WDR70: variants seen among roughly 807,000 people sequenced by gnomAD.
WDR70 encodes WD repeat domain 70, also known as WD repeat-containing protein 70.
In WDR70, 53 loss-of-function variants were observed where a neutral mutation model predicts 88.6. The ratio of observed to expected loss-of-function variants is 0.60; its 90% CI spans 0.48 to 0.75. The LOEUF is 0.75. WDR70 is among the 30% of genes least tolerant of loss of function. The probability of loss-of-function intolerance (pLI) is 0.00; values close to 1 mark genes in which losing one functional copy is unlikely to be tolerated. For missense variants in WDR70, 610 were observed against 823.2 expected, an observed-to-expected ratio of 0.74 and a Z score of 3.17; for synonymous variants, 280 against 270.0, an observed-to-expected ratio of 1.04 and a Z score of -0.36.
At chr5:37,626,544 T>G (rs1744670311) in intron 10 of WDR70, among the ~76,000 whole-genome samples, 1 of 152,194 alleles carries the variant, frequency 6.6e-6, no homozygotes. Flanking sequence ...TGCAACAGTG[T>G]TCATCAGGGA....
chr5:37,584,377 T>C (rs1743306234), intron 9 of WDR70, among the ~76,000 whole-genome samples: 1 of 152,228 alleles, frequency 6.6e-6, no homozygotes, highest in African/African-American at 2.4e-5. Flanking sequence ...GTTAGAGATA[T>C]CGAAAAGGTT....
At chr5:37,640,937 CTG>C (rs1745085313) in intron 10 of WDR70, among the ~76,000 whole-genome samples, 1 of 152,184 alleles carries the variant, frequency 6.6e-6, no homozygotes, top group Non-Finnish European at 1.5e-5. Flanking sequence ...AAGAGAATGT[CTG>C]TAGGTTACAT....
chr5:37,595,154 C>G (rs1490653889), intron 9 of WDR70, among the ~76,000 whole-genome samples: 1 of 152,156 alleles, frequency 6.6e-6, no homozygotes, highest in Non-Finnish European at 1.5e-5. Flanking sequence ...CCTGATTGCC[C>G]TGGCCAGAAC....
intron 3 of WDR70, among the ~76,000 whole-genome samples, chr5:37,383,243 T>G (rs759623396): frequency 1.3e-5 from 2 of 152,132 alleles, no homozygotes; most frequent in African/African-American, 2.4e-5. Flanking sequence ...CATGTACTAT[T>G]TTTTGAAAAA....
intron 17 of WDR70, among the ~76,000 whole-genome samples, chr5:37,736,368 C>T (rs933946282): frequency 6.6e-6 from 1 of 152,082 alleles, no homozygotes; most frequent in Non-Finnish European, 1.5e-5. Flanking sequence ...ATCATTCCCA[C>T]CTATAAAGGA....
intron 5 of WDR70, among the ~76,000 whole-genome samples, chr5:37,416,264 C>T (rs935549543): frequency 6.6e-6 from 1 of 152,218 alleles, no homozygotes; most frequent in Non-Finnish European, 1.5e-5. Context: ...ATCCCGGCAC[C>T]TCGGGAGGCC....
chr5:37,510,361 G>C (rs950912351), intron 8 of WDR70, among the ~76,000 whole-genome samples: 5 of 152,070 alleles, frequency 3.3e-5, no homozygotes, highest in African/African-American at 1.2e-4. Context: ...ATATATGTGT[G>C]TTTAGTTTTC....
chr5:37,588,746 T>A (rs977346634), intron 9 of WDR70, among the ~76,000 whole-genome samples: 30 of 151,746 alleles, frequency 2.0e-4, no homozygotes, highest in African/African-American at 6.3e-4. Flanking sequence ...CTGGCTAATT[T>A]TTATTTTTAT....
intron 9 of WDR70, among the ~76,000 whole-genome samples, chr5:37,587,595 T>A (rs1173391660): frequency 6.6e-6 from 1 of 152,084 alleles, no homozygotes. Flanking sequence ...TGTTTTCCTC[T>A]CTTCCCCATT....
intron 7 of WDR70, among the ~76,000 whole-genome samples, chr5:37,456,074 G>A (rs1462346469): frequency 2.0e-5 from 3 of 152,102 alleles, no homozygotes; most frequent in African/African-American, 7.2e-5. Flanking sequence ...TACTGTAGAG[G>A]TCATTTTTAT....
At chr5:37,671,191 G>A (rs1025919301) in intron 10 of WDR70, among the ~76,000 whole-genome samples, 2 of 152,192 alleles carry the variant, frequency 1.3e-5, no homozygotes, top group African/African-American at 4.8e-5. Context: ...AGAGGTCATA[G>A]GGATAGGTAT....
At chr5:37,701,390 G>A (rs907846279) in intron 12 of WDR70, among the ~76,000 whole-genome samples, 4 of 152,148 alleles carry the variant, frequency 2.6e-5, no homozygotes, top group East Asian at 3.9e-4. Flanking sequence ...TTGTATGCAC[G>A]CACAAGTCTT....
At chr5:37,586,403 G>T (rs1581414583) in intron 9 of WDR70, among the ~76,000 whole-genome samples, 1 of 152,220 alleles carries the variant, frequency 6.6e-6, no homozygotes, top group East Asian at 1.9e-4. Flanking sequence ...TAATACTCAT[G>T]ATCACACCTT....
At chr5:37,707,994 GTTGA>G (rs1286248750) in intron 13 of WDR70, among the ~76,000 whole-genome samples, 3 of 78,488 alleles carry the variant, frequency 3.8e-5, no homozygotes, top group Non-Finnish European at 7.2e-5. Flanking sequence ...TATATATATA[GTTGA>G]TTGAAAATCT....
At chr5:37,519,489 C>G (rs79171226) in intron 9 of WDR70, among the ~76,000 whole-genome samples, 1 of 148,328 alleles carries the variant, frequency 6.7e-6, no homozygotes, top group African/African-American at 2.5e-5. Flanking sequence ...CTCCTACATC[C>G]CAGACTGGGC....
chr5:37,437,641 C>T (rs1750508025), intron 5 of WDR70, among the ~76,000 whole-genome samples: 1 of 151,938 alleles, frequency 6.6e-6, no homozygotes, highest in South Asian at 2.1e-4. Flanking sequence ...ATTAAAATTT[C>T]AATTTATGTT....
intron 9 of WDR70, among the ~76,000 whole-genome samples, chr5:37,521,658 T>C (rs532936469): frequency 6.6e-6 from 1 of 152,076 alleles, no homozygotes; most frequent in Admixed American, 6.6e-5. Context: ...CTGCTATGAA[T>C]GCAATTATTT....
intron 5 of WDR70, among the ~76,000 whole-genome samples, chr5:37,422,959 G>A (rs1032449284): frequency 6.6e-6 from 1 of 152,088 alleles, no homozygotes; most frequent in African/African-American, 2.4e-5. Context: ...CAAAATGCGG[G>A]AATGTTGTGA....
intron 17 of WDR70, among the ~76,000 whole-genome samples, chr5:37,739,650 C>CATAT (rs554645177): frequency 6.6e-6 from 1 of 151,628 alleles, no homozygotes; most frequent in African/African-American, 2.4e-5. Flanking sequence ...ATTTCTTTTT[C>CATAT]ATATATATAT....
Sources: allele counts gnomAD v4.1 joint callset (sites outside exome capture counted in the v4.1 genomes callset), GRCh38; gene constraint gnomAD v4.1.1; transcripts MANE v1.5; gene names NCBI Gene and HGNC (gene_info 2026-07-23, HGNC 2026-07-21).